The following MAN2A2 variants were observed in gnomAD, a reference collection of about 807,000 sequenced individuals.
MAN2A2 encodes mannosidase alpha class 2A member 2, also known as alpha-mannosidase 2x.
In MAN2A2, 79 loss-of-function variants were observed where a neutral mutation model predicts 126.8. That is an observed-to-expected ratio of 0.62 (90% CI 0.52 to 0.75). MAN2A2 has a LOEUF of 0.75. Among genes scored for constraint, MAN2A2 ranks in the 30% least tolerant of loss-of-function variants. The pLI is 0.00. For synonymous variants in MAN2A2, 671 were observed against 618.7 expected, an observed-to-expected ratio of 1.08 and a Z score of -1.25; for missense variants, 1,392 against 1,522.4, an observed-to-expected ratio of 0.91 and a Z score of 1.43.
chr15:90,918,123 T>C, intron 20 of MAN2A2, 71 bp from the exon 21 acceptor site: 1 of 1,456,706 alleles, frequency 6.9e-7, no homozygotes, highest in Non-Finnish European at 9.5e-7. Flanking sequence ...TGGGTGTGCT[T>C]TTATCCTGCC....
Position 90,922,198 on chromosome 15 carries a change from G to A in MAN2A2, c.*2411G>A. 6.6e-6 allele frequency: 1 copy of A among 152,172 alleles called. No homozygotes were observed. Among genetic ancestry groups the A allele is most frequent in the East Asian group, 1.9e-4 (1 of 5,200 alleles). 9.4% of individuals were successfully genotyped at this position (152,172 alleles called of 1,614,324 possible). On this transcript the variant is annotated 3_prime_UTR_variant, in exon 23 of 23. Coordinates refer to ENST00000559717, the MANE Select transcript of MAN2A2 (RefSeq NM_006122.4). The stretch of plus-strand genomic sequence containing the variant: ...TTGCAGCACATAAAAAAATCAACGA[G>A]TACAATTACTTTAGGAGAAAAGCTT...
At position 90,905,261 on chromosome 15, in the gene MAN2A2, C is replaced by T. The variant is rs772557938; in HGVS notation, c.143C>T (p.Ser48Phe). The change falls in exon 3 of 23, where the codon TCT (serine) becomes TTT (phenylalanine). Residue 48 changes from serine to phenylalanine, a missense_variant. Transcript: ENST00000559717. ...NGGNFPRSQI[S>F]VLQNRIEQLE... ...CTGGTTTTTTGGCAGAGCCAAATTT[C>T]TGTGCTGCAGAACCGCATTGAGCAG... 3 of 1,612,460 alleles carry T rather than the reference C, an allele frequency of 1.9e-6. No individual in the cohort carries two copies. In the South Asian group the frequency reaches 3.3e-5, roughly 18 times the overall value.
intron 5 of MAN2A2, 143 bp downstream of exon 5, chr15:90,906,159 G>C: frequency 7.3e-7 from 1 of 1,362,312 alleles, no homozygotes; most frequent in Non-Finnish European, 1.0e-6. Context: ...TGGAGGGAGG[G>C]AAGGCAAAAA....
In MAN2A2 at chr15:90,910,560, G is replaced by A. The variant is rs141175483; in HGVS notation, c.1637G>A (p.Gly546Asp). ...CACGCTCGCCGCTCTGGTCTGGCTG[G>A]CCGGTACCCACTGTCTGATTTCACC... The part of the protein sequence containing the change: ...AAHARRSGLA[G>D]RYPLSDFTLL... Residue 546 changes from glycine (G) to aspartate (D), a missense_variant, in exon 11 of 23, where the codon GGC (glycine) becomes GAC (aspartate). By Grantham distance (94) the Gly-to-Asp change is moderately conservative. Transcript: ENST00000559717. The A allele has an allele frequency of 6.6e-5, 106 of 1,614,014 alleles. No individual in the cohort carries two copies. The highest frequency in any genetic ancestry group is 8.6e-5 in the Non-Finnish European group (102 of 1,180,040).
rs1379983764 is a variant in MAN2A2, at chr15:90,912,206, C to CT, written c.2274dup (p.Gly759TrpfsTer31). On this transcript the variant is annotated frameshift_variant, in exon 15 of 23. Coordinates refer to ENST00000559717, the MANE Select transcript of MAN2A2 (RefSeq NM_006122.4). LOFTEE classifies it high-confidence loss of function. ...GCGTTTCCTCTCCGTGTCATTGACT[C>CT]TGGCACCAGCGACTTCGCCCTCAGC... The CT allele has an allele frequency of 6.2e-7, 1 of 1,614,090 alleles. No individual in the cohort carries two copies. Among genetic ancestry groups the CT allele is most frequent in the East Asian group, 2.2e-5 (1 of 44,906 alleles).
At position 90,918,854 on chromosome 15, in the gene MAN2A2, C is replaced by T. The variant is rs1036678808; in HGVS notation, c.3300+99C>T. ...GACAGGCTGGGAGAAGAAAGTGTCA[C>T]TCCAGGGCTTTCTGGAGAGAAGGGG... is the stretch of plus-strand genomic sequence containing the variant. On this transcript the variant is annotated intron_variant, in intron 22 of 22. Transcript: ENST00000559717. 23 of 877,942 alleles carry T rather than the reference C, an allele frequency of 2.6e-5. No individual in the cohort carries two copies. The African/African-American group carries it at 2.7e-4, about 10-fold the overall frequency. The allele number at this position is 877,942 out of a possible 1,614,324, so 54.4% of individuals were successfully genotyped here. A position where few individuals can be genotyped will look rare whatever the true frequency, so the allele number is the denominator to read the frequency against.
Position 90,910,092 on chromosome 15 carries a change from C to T in MAN2A2, c.1377C>T (p.Ala459=). The change falls in exon 10 of 23, where the codon GCC becomes GCT. Residue 459 remains alanine, a splice_region_variant and synonymous_variant. Transcript: ENST00000559717. ...GTGGGTTTTTGGGGTTCCCACAGGCCCAGTTTGGCACTCTTTCTGACTATT... is the reference window on the plus strand; with the variant it reads ...GTGGGTTTTTGGGGTTCCCACAGGCTCAGTTTGGCACTCTTTCTGACTATT... ...FNSRPNLHVQ[A]QFGTLSDYFD... 1 of 1,610,288 alleles carries T rather than the reference C, an allele frequency of 6.2e-7. No homozygotes were observed. Among genetic ancestry groups the T allele is most frequent in the Non-Finnish European group, 8.5e-7 (1 of 1,177,954 alleles).
chr15:90,913,774 T>A lies in MAN2A2; in HGVS notation c.2860+19T>A. 5 of 1,574,900 alleles carry A rather than the reference T, an allele frequency of 3.2e-6. No homozygotes were observed. Among genetic ancestry groups the A allele is most frequent in the Non-Finnish European group, 1.7e-6 (2 of 1,159,312 alleles). The stretch of plus-strand genomic sequence containing the variant: ...AAAGATGGTGAGTAGGGCCCAGGAG[T>A]TCTGCAGAGGGTATCAGACAAAAAG... On this transcript the variant is annotated intron_variant, in intron 19 of 22. Transcript: ENST00000559717.
At chr15:90,918,088 A>G in intron 20 of MAN2A2, 106 bp from the exon 21 acceptor site, 1 of 1,087,342 alleles carries the variant, frequency 9.2e-7, no homozygotes, top group Non-Finnish European at 1.4e-6. Flanking sequence ...GCACACCAGG[A>G]AAGGTCTTTC....
chr15:90,905,693 T>G lies in MAN2A2; in HGVS notation c.505T>G (p.Phe169Val), dbSNP rs2034222919. Residue 169 changes from phenylalanine to valine, a missense_variant, in exon 4 of 23, where the codon TTT becomes GTT. Physicochemically the swap from Phe to Val is conservative, Grantham distance 50. Transcript: ENST00000559717. ...HDWDAEDLQV[F>V]VVPHSHNDPG... ...CTGGGATGCTGAAGACCTGCAGGTG[T>G]TTGTGGTGCCCCACTCTCACAATGA... The G allele has an allele frequency of 1.2e-6, 2 of 1,613,952 alleles. No homozygotes were observed. Among genetic ancestry groups the G allele is most frequent in the East Asian group, 4.5e-5 (2 of 44,878 alleles).
At position 90,912,584 on chromosome 15, in the gene MAN2A2, A is replaced by G. The variant is rs762512525; in HGVS notation, c.2389A>G (p.Met797Val). ...TGAGGAGCACGAGCAGCAGGTGGAC[A>G]TGCAGGTCCTTGTCTATGGCACCCG... The part of the protein sequence containing the change: ...VDEEHEQQVD[M>V]QVLVYGTRTS... Residue 797 changes from methionine to valine, a missense_variant, in exon 16 of 23, where the codon ATG becomes GTG. By Grantham distance (21) the Met-to-Val change is conservative. Transcript: ENST00000559717. 2.3e-5 allele frequency: 37 copies of G among 1,614,064 alleles called. No individual in the cohort carries two copies. The highest frequency in any genetic ancestry group is 2.2e-4 in the Admixed American group (13 of 60,008).
intron 7 of MAN2A2, 21 bp downstream of exon 7, chr15:90,906,934 G>A: frequency 6.2e-7 from 1 of 1,612,368 alleles, no homozygotes. Context: ...GTAGGGTAGA[G>A]GGGGTTACTG....
intron 19 of MAN2A2, 137 bp from the exon 20 acceptor site, chr15:90,915,986 A>G: frequency 3.3e-6 from 3 of 910,590 alleles, no homozygotes; most frequent in Non-Finnish European, 3.2e-6. Flanking sequence ...GGAACCCGTG[A>G]CCTCTCCTGA....
At chr15:90,916,319 G>A (rs2035177101) in intron 20 of MAN2A2, 63 bp downstream of exon 20, 2 of 1,575,788 alleles carry the variant, frequency 1.3e-6, no homozygotes, top group Non-Finnish European at 1.7e-6. Context: ...TGGCCGGGGG[G>A]TCCAGCCTAG....
chr15:90,911,244 C>T lies in MAN2A2; in HGVS notation c.1943+6C>T, dbSNP rs1260258476. On this transcript the variant is annotated splice_donor_region_variant and intron_variant, in intron 13 of 22. Coordinates refer to ENST00000559717, the MANE Select transcript of MAN2A2 (RefSeq NM_006122.4). ...CAGCTGGATTCCTCGCCCAGGTAACCTGGACTACGCCATGTGCAGAGAGGC... is the reference window on the plus strand; with the variant it reads ...CAGCTGGATTCCTCGCCCAGGTAACTTGGACTACGCCATGTGCAGAGAGGC... 1.2e-5 allele frequency: 20 copies of T among 1,613,932 alleles called. No homozygotes were observed. The highest frequency in any genetic ancestry group is 1.6e-5 in the Non-Finnish European group (19 of 1,179,998).
intron 6 of MAN2A2, 72 bp downstream of exon 6, chr15:90,906,569 G>A: frequency 6.2e-7 from 1 of 1,609,236 alleles, no homozygotes; most frequent in Non-Finnish European, 8.5e-7. Context: ...TAAGGCACAG[G>A]GATCGGCAGG....
chr15:90,906,679 G>T, intron 6 of MAN2A2, 61 bp from the exon 7 acceptor site: 7 of 1,590,224 alleles, frequency 4.4e-6, no homozygotes, highest in Non-Finnish European at 6.0e-6. Context: ...GCACCTGGAA[G>T]GCCGGGGGGC....
In MAN2A2 at chr15:90,918,356, C is replaced by T; in HGVS notation, c.3157C>T (p.His1053Tyr). 6.2e-7 allele frequency: 1 copy of T among 1,614,166 alleles called. No individual in the cohort carries two copies. The highest frequency in any genetic ancestry group is 8.5e-7 in the Non-Finnish European group (1 of 1,180,020). Residue 1053 changes from histidine (H) to tyrosine (Y), a missense_variant, in exon 21 of 23, where the codon CAC becomes TAC. Physicochemically the swap from His to Tyr is moderately conservative, Grantham distance 83. Transcript: ENST00000559717. ...GGCTTCCTCACTGCCCTGTGACTTCCACCTGCTCAACCTACGTACGCTCCA... is the reference window on the plus strand; with the variant it reads ...GGCTTCCTCACTGCCCTGTGACTTCTACCTGCTCAACCTACGTACGCTCCA... Reference protein sequence around the residue: ...PLASSLPCDFHLLNLRTLQAE... With the variant: ...PLASSLPCDFYLLNLRTLQAE...
chr15:90,912,719 C>A lies in MAN2A2; in HGVS notation c.2469+55C>A, dbSNP rs959983145. On this transcript the variant is annotated intron_variant, in intron 16 of 22. Transcript: ENST00000559717. Reference sequence around the variant, plus strand: ...CAGGGAGGGCAGGAGGGGGCACAGGCCTTCCCACAGGTTTATTGCTGCCTG... The same window carrying A: ...CAGGGAGGGCAGGAGGGGGCACAGGACTTCCCACAGGTTTATTGCTGCCTG... 3.1e-6 allele frequency: 5 copies of A among 1,609,476 alleles called. No individual in the cohort carries two copies. In the African/African-American group the frequency reaches 4.0e-5, roughly 13 times the overall value.
Sources: allele counts gnomAD v4.1 joint callset, GRCh38; gene constraint gnomAD v4.1.1; transcripts MANE v1.5; gene names NCBI Gene and HGNC (gene_info 2026-07-23, HGNC 2026-07-21).